ITSN2: variants seen among roughly 807,000 people sequenced by gnomAD.
ITSN2 encodes intersectin-2.
Under a neutral mutation model 243.7 loss-of-function variants are expected in ITSN2, and 156 were observed. The observed-to-expected ratio is 0.64, with a 90% CI of 0.56 to 0.73. ITSN2 has a LOEUF of 0.73. Among genes scored for constraint, ITSN2 ranks in the 30% least tolerant of loss-of-function variants. ITSN2 has a pLI of 0.00. For missense variants in ITSN2, 1,801 were observed against 1,996.1 expected (o/e 0.90, Z 1.86); for synonymous variants, 703 against 699.9 (o/e 1.00, Z -0.07).
chr2:24,209,277 GCC>G (rs1384559300), intron 35 of ITSN2, 56 bp from the exon 36 acceptor site: 1 of 1,602,248 alleles, frequency 6.2e-7, no homozygotes, highest in Non-Finnish European at 8.5e-7. Flanking sequence ...CACTCCACCC[GCC>G]TATGTCCAGA....
chr2:24,359,141 G>A (rs183528632), intron 1 of ITSN2, among the ~76,000 whole-genome samples: 1 of 152,324 alleles, frequency 6.6e-6, no homozygotes, highest in African/African-American at 2.4e-5. Context: ...AAATTTGGAA[G>A]GACGTCATTA....
Position 24,291,301 on chromosome 2 carries a change from G to T in ITSN2, c.1723+2387C>A, listed in dbSNP as rs373606755. Among the ~76,000 whole-genome samples the T allele has an allele frequency of 5.9e-5, 9 of 151,862 alleles. No homozygotes were observed. In the East Asian group the frequency reaches 1.4e-3, roughly 23 times the overall value. ...CGTGCCACTACCCCTACTGATTTTT[G>T]TATTTTTAGCAGTGATGGGGTTTCA... On this transcript the variant is annotated intron_variant, in intron 15 of 39. Transcript: ENST00000355123.
At chr2:24,279,859 A>G (rs1013960549) in intron 17 of ITSN2, among the ~76,000 whole-genome samples, 1 of 150,924 alleles carries the variant, frequency 6.6e-6, no homozygotes, top group Non-Finnish European at 1.5e-5. Context: ...CAGCCTCCCA[A>G]GTAGCTGGGA....
At chr2:24,258,496 CCT>C (rs1675358082) in intron 22 of ITSN2, among the ~76,000 whole-genome samples, 1 of 152,072 alleles carries the variant, frequency 6.6e-6, no homozygotes, top group African/African-American at 2.4e-5. Flanking sequence ...TGCTTGGCTC[CCT>C]CTGTTTCTCT....
chr2:24,216,704 C>A (rs1015989948), intron 31 of ITSN2, among the ~76,000 whole-genome samples: 1 of 151,432 alleles, frequency 6.6e-6, no homozygotes, highest in African/African-American at 2.4e-5. Flanking sequence ...GTGCAGTGAG[C>A]TACGATCACA....
intron 12 of ITSN2, among the ~76,000 whole-genome samples, chr2:24,299,126 C>A (rs1326412316): frequency 2.0e-5 from 3 of 150,770 alleles, no homozygotes; most frequent in Non-Finnish European, 4.4e-5. Context: ...ACCACCTGGG[C>A]TCAAGCGATT....
At chr2:24,257,727 G>C (rs961440207) in intron 23 of ITSN2, among the ~76,000 whole-genome samples, 161 bp downstream of exon 23, 1 of 152,034 alleles carries the variant, frequency 6.6e-6, no homozygotes, top group Non-Finnish European at 1.5e-5. Context: ...AAAATGCTGG[G>C]ATTACAGGTG....
intron 2 of ITSN2, among the ~76,000 whole-genome samples, chr2:24,317,245 G>A (rs1424221254): frequency 7.2e-5 from 11 of 152,142 alleles, no homozygotes; most frequent in Admixed American, 2.6e-4. Flanking sequence ...TTAGCTGGGT[G>A]TGATGGTGGG....
chr2:24,282,373 C>T (rs1678895929), intron 17 of ITSN2, among the ~76,000 whole-genome samples: 1 of 152,204 alleles, frequency 6.6e-6, no homozygotes, highest in Admixed American at 6.5e-5. Flanking sequence ...AGGGTAAAAC[C>T]GTCTCCCTTC....
chr2:24,324,347 G>A (rs76260057), intron 2 of ITSN2, among the ~76,000 whole-genome samples: 1 of 151,990 alleles, frequency 6.6e-6, no homozygotes, highest in African/African-American at 2.4e-5. Context: ...TAAGACAAAA[G>A]AGAGTTCTGC....
chr2:24,287,966 T>C (rs1304598804), intron 15 of ITSN2, among the ~76,000 whole-genome samples: 1 of 152,138 alleles, frequency 6.6e-6, no homozygotes, highest in African/African-American at 2.4e-5. Flanking sequence ...GGCTCACAAG[T>C]ATTTTCTCCC....
Position 24,275,822 on chromosome 2 carries a change from G to T in ITSN2, c.1972C>A (p.Gln658Lys). ...KELRETYNTQ[Q>K]LALEQLYKIK... ...TTATAAAGCTGTTCAAGGGCTAACT[G>T]CTGTGTGTTGTAGGTTTCTCTCAGT... is the stretch of plus-strand genomic sequence containing the variant. Residue 658 changes from glutamine to lysine, a missense_variant, in exon 18 of 40, where the codon CAG (glutamine) becomes AAG (lysine). Coordinates refer to ENST00000355123, the MANE Select transcript of ITSN2 (RefSeq NM_006277.3). 1 of 1,611,050 alleles carries T rather than the reference G, an allele frequency of 6.2e-7. No individual in the cohort carries two copies. The highest frequency in any genetic ancestry group is 8.5e-7 in the Non-Finnish European group (1 of 1,178,396).
intron 4 of ITSN2, among the ~76,000 whole-genome samples, chr2:24,312,793 C>T (rs367615039): frequency 4.6e-5 from 7 of 151,750 alleles, no homozygotes; most frequent in East Asian, 1.9e-4. Flanking sequence ...TTATTGTAAA[C>T]GTTTTTAAAA....
rs373156113 is a variant in ITSN2 at position 24,331,889 on chromosome 2, T to C, written c.-33-3774A>G. On this transcript the variant is annotated intron_variant, in intron 1 of 39. Coordinates refer to ENST00000355123, the MANE Select transcript of ITSN2 (RefSeq NM_006277.3). ...GTCAACCCTCACTCTAAACTTTCCC[T>C]GTTCACAGCATCAGATGAAGACTTC... 3.3e-5 allele frequency among the ~76,000 whole-genome samples: 5 copies of C among 152,254 alleles called. No homozygotes were observed. In the East Asian group the frequency reaches 5.8e-4, roughly 18 times the overall value.
At chr2:24,318,878 G>A (rs1449610939) in intron 2 of ITSN2, among the ~76,000 whole-genome samples, 1 of 152,172 alleles carries the variant, frequency 6.6e-6, no homozygotes, top group Non-Finnish European at 1.5e-5. Context: ...TGAGCGGTGG[G>A]CAAGTGAGCA....
rs1680875534 is a variant in ITSN2 at position 24,295,720 on chromosome 2, C to T, written c.1579G>A (p.Asp527Asn). Residue 527 changes from aspartate (D) to asparagine (N), a missense_variant, in exon 14 of 40, where the codon GAT becomes AAT. Asp to Asn is a conservative substitution (Grantham distance 23, BLOSUM62 1). Around this residue, in one of 5 missense-constraint regions of ITSN2, gnomAD observed 787 missense variants for 803.9 expected, o/e 0.98. Transcript: ENST00000355123. Reference protein sequence around the residue: ...QTQKTELEVLDKQCDLEIMEI... With the variant: ...QTQKTELEVLNKQCDLEIMEI... ...ATAATTTCCAAGTCACACTGCTTAT[C>T]CAGAACTTCCAGCTCAGTCTTTTGA... The T allele has an allele frequency of 1.3e-6, 2 of 1,563,776 alleles. No homozygotes were observed.
intron 8 of ITSN2, among the ~76,000 whole-genome samples, chr2:24,304,761 C>T (rs1020374713): frequency 2.0e-5 from 3 of 152,056 alleles, no homozygotes; most frequent in Non-Finnish European, 2.9e-5. Context: ...ATAGAGCAAA[C>T]AGAAGAGAGA....
At chr2:24,206,280 A>AT (rs1271248723) in intron 37 of ITSN2, 1 of 438,244 alleles carries the variant, frequency 2.3e-6, no homozygotes, top group African/African-American at 2.1e-5. Context: ...GGAAACCTGA[A>AT]TAAAAAAACA....
chr2:24,244,791 T>C (rs181783892), intron 29 of ITSN2, among the ~76,000 whole-genome samples: 102 of 152,304 alleles, frequency 6.7e-4, no homozygotes, highest in African/African-American at 2.3e-3. Flanking sequence ...AAAAACTGGA[T>C]TCCTCCCATC....
Sources: gnomAD v4.1 joint callset for allele counts (sites outside exome capture counted in the v4.1 genomes callset) on GRCh38, gnomAD v4.1.1 for gene constraint, gnomAD v4.1.1 regional missense constraint, MANE v1.5 for transcripts, NCBI Gene and HGNC (gene_info 2026-07-23, HGNC 2026-07-21) for gene names.